The following ISY1 variants were observed in gnomAD, a reference collection of about 807,000 sequenced individuals.
The protein encoded by ISY1 is ISY1 spliceosome associated protein.
A neutral mutation model predicts 54.4 loss-of-function variants in ISY1; 12 were observed. That is an observed-to-expected ratio of 0.22 (90% CI 0.14 to 0.36). The LOEUF (loss-of-function observed/expected upper bound fraction) is 0.36. ISY1 is among the 10% of genes least tolerant of loss of function. The pLI is 1.00. For missense variants in ISY1, 282 were observed against 342.2 expected, an observed-to-expected ratio of 0.82 and a Z score of 1.39; for synonymous variants, 96 against 117.9, an observed-to-expected ratio of 0.81 and a Z score of 1.20.
Position 129,130,062 on chromosome 3 carries a change from G to C in ISY1, c.*19C>G. The stretch of plus-strand genomic sequence containing the variant: ...CCACTGGGGGATGGAAGAACTCCAA[G>C]GAGAGCCCCAGCTGGGTCCTAATAC... On this transcript the variant is annotated 3_prime_UTR_variant, in exon 11 of 11. Transcript: ENST00000393295. 15 of 1,556,818 alleles carry C rather than the reference G, an allele frequency of 9.6e-6. No homozygotes were observed. Among genetic ancestry groups the C allele is most frequent in the Non-Finnish European group, 1.3e-5 (15 of 1,156,262 alleles).
chr3:129,156,205 T>C (rs555356028), intron 5 of ISY1, among the ~76,000 whole-genome samples: 5 of 151,932 alleles, frequency 3.3e-5, no homozygotes, highest in African/African-American at 1.2e-4. Flanking sequence ...AAGACCATCC[T>C]GGCTAACATG....
chr3:129,149,604 AAAAAAAATATAT>A (rs1936879526), intron 5 of ISY1, among the ~76,000 whole-genome samples: 1 of 87,774 alleles, frequency 1.1e-5, no homozygotes, highest in African/African-American at 5.5e-5. Context: ...AAAAAAAAAA[AAAAAAAATATAT>A]ATATATATAT....
chr3:129,136,691 C>CT (rs554610124), intron 7 of ISY1, among the ~76,000 whole-genome samples: 191 of 128,512 alleles, frequency 1.5e-3, no homozygotes, highest in Admixed American at 3.2e-3. Flanking sequence ...TCTTCTTCTT[C>CT]TTTTTTTTTT....
intron 6 of ISY1, among the ~76,000 whole-genome samples, chr3:129,144,501 T>C (rs1259548764): frequency 1.3e-5 from 2 of 152,256 alleles, no homozygotes; most frequent in East Asian, 1.9e-4. Context: ...ATTGATTACA[T>C]ACTGTTTCCA....
chr3:129,133,409 G>A (rs1263791654), intron 9 of ISY1, among the ~76,000 whole-genome samples: 4 of 152,202 alleles, frequency 2.6e-5, no homozygotes, highest in African/African-American at 9.6e-5. Context: ...AGACAGGGGT[G>A]TTAGGGCTGG....
chr3:129,148,177 C>T (rs1242228305), intron 5 of ISY1, among the ~76,000 whole-genome samples: 1 of 152,024 alleles, frequency 6.6e-6, no homozygotes. Flanking sequence ...ATAGACACAC[C>T]TCAGTTTGTT....
At chr3:129,157,700 G>C (rs767579901) in intron 3 of ISY1, among the ~76,000 whole-genome samples, 3 of 123,156 alleles carry the variant, frequency 2.4e-5, no homozygotes, top group African/African-American at 9.3e-5. Context: ...CAGCCTGAGC[G>C]ACAGAGCGTC....
intron 6 of ISY1, among the ~76,000 whole-genome samples, chr3:129,145,452 A>T (rs1936738901): frequency 1.3e-5 from 2 of 151,908 alleles, no homozygotes; most frequent in Non-Finnish European, 2.9e-5. Context: ...TGAACTCCTG[A>T]CCTCAAGTGA....
chr3:129,145,938 C>T, intron 5 of ISY1, 65 bp from the exon 6 acceptor site: 3 of 1,465,188 alleles, frequency 2.0e-6, no homozygotes, highest in Non-Finnish European at 1.9e-6. Context: ...CTAACACGTA[C>T]ACTTAGTATC....
chr3:129,160,759 C>A (rs191130275), intron 1 of ISY1, among the ~76,000 whole-genome samples: 2 of 152,206 alleles, frequency 1.3e-5, no homozygotes, highest in Admixed American at 1.3e-4. Flanking sequence ...GATTAAGACA[C>A]TGTCCAGGAC....
At chr3:129,131,806 G>A (rs1365200754) in intron 9 of ISY1, among the ~76,000 whole-genome samples, 1 of 152,164 alleles carries the variant, frequency 6.6e-6, no homozygotes, top group African/African-American at 2.4e-5. Flanking sequence ...AAGAGATGGT[G>A]AGGACAGGGA....
At position 129,140,606 on chromosome 3, in the gene ISY1, CG is replaced by C. The variant is rs370007715; in HGVS notation, c.301-122del. On this transcript the variant is annotated intron_variant, in intron 6 of 10. Transcript: ENST00000393295. ...CATTTATTTATTTGAGGTGGAGTCT[CG>C]CTCTGTTGCCCAGGCTGGAGTGCAG... 1.3e-4 allele frequency: 144 copies of C among 1,094,880 alleles called. 1 individual carries two copies. In the African/African-American group the frequency reaches 1.9e-3, roughly 14 times the overall value. 67.8% of individuals were successfully genotyped at this position (1,094,880 alleles called of 1,614,324 possible). A position where few individuals can be genotyped will look rare whatever the true frequency, so the allele number is the denominator to read the frequency against.
At chr3:129,154,661 G>A (rs1005422325) in intron 5 of ISY1, among the ~76,000 whole-genome samples, 1 of 150,112 alleles carries the variant, frequency 6.7e-6, no homozygotes, top group Non-Finnish European at 1.5e-5. Context: ...TTCTTGGTCA[G>A]TCTGACTAGA....
In ISY1 at chr3:129,138,158, G is replaced by A. The variant is rs199921058; in HGVS notation, c.418+2210C>T. On this transcript the variant is annotated intron_variant, in intron 7 of 10. Transcript: ENST00000393295. ...CCGGGCATGGTGGCGGGCGCCTATAGTACCAGCTACTCAGGAGCCTGAGGC... is the reference window on the plus strand; with the variant it reads ...CCGGGCATGGTGGCGGGCGCCTATAATACCAGCTACTCAGGAGCCTGAGGC... 3.3e-5 allele frequency among the ~76,000 whole-genome samples: 5 copies of A among 150,922 alleles called. No homozygotes were observed. In the East Asian group the frequency reaches 7.9e-4, roughly 24 times the overall value.
At chr3:129,143,365 G>T (rs1936678153) in intron 6 of ISY1, among the ~76,000 whole-genome samples, 2 of 151,798 alleles carry the variant, frequency 1.3e-5, no homozygotes, top group South Asian at 4.1e-4. Flanking sequence ...AATTAGCCAG[G>T]TGTGGTGGCG....
intron 5 of ISY1, among the ~76,000 whole-genome samples, chr3:129,156,308 A>G (rs1937139048): frequency 6.6e-6 from 1 of 150,692 alleles, no homozygotes; most frequent in Non-Finnish European, 1.5e-5. Flanking sequence ...CTGAGGCAGG[A>G]GAATGGCGTG....
chr3:129,143,158 A>G (rs558733313), intron 6 of ISY1, among the ~76,000 whole-genome samples: 1 of 152,256 alleles, frequency 6.6e-6, no homozygotes, highest in South Asian at 2.1e-4. Context: ...GGCTGCAGTG[A>G]GCCATGATCG....
chr3:129,140,407 T>G lies in ISY1; in HGVS notation c.379A>C (p.Lys127Gln). Residue 127 changes from lysine (K) to glutamine (Q), a missense_variant, in exon 7 of 11, where the codon AAA becomes CAA. Lys to Gln is a moderately conservative substitution (Grantham distance 53, BLOSUM62 1). Transcript: ENST00000393295. Reference protein sequence around the residue: ...NRGYKYFGAAKDLPGVRELFE... With the variant: ...NRGYKYFGAAQDLPGVRELFE... ...AGCTCTCTAACACCAGGCAAATCTTTTGCTGCTCCAAAGTACTTGTAACCT... is the reference window on the plus strand; with the variant it reads ...AGCTCTCTAACACCAGGCAAATCTTGTGCTGCTCCAAAGTACTTGTAACCT... The G allele has an allele frequency of 1.2e-6, 2 of 1,612,892 alleles. No homozygotes were observed. Among genetic ancestry groups the G allele is most frequent in the Non-Finnish European group, 1.7e-6 (2 of 1,179,734 alleles).
chr3:129,143,893 T>C (rs1334540296), intron 6 of ISY1, among the ~76,000 whole-genome samples: 3 of 152,086 alleles, frequency 2.0e-5, no homozygotes, highest in Non-Finnish European at 4.4e-5. Context: ...TGACTGAGTG[T>C]TGTTCTGCTT....
Sources: allele counts gnomAD v4.1 joint callset (sites outside exome capture counted in the v4.1 genomes callset), GRCh38; gene constraint gnomAD v4.1.1; transcripts MANE v1.5; gene names NCBI Gene and HGNC (gene_info 2026-07-23, HGNC 2026-07-21).